Variants in LMO7 observed in about 807,000 individuals in gnomAD.
LMO7 encodes LIM domain only protein 7.
In LMO7, 120 loss-of-function variants were observed where a neutral mutation model predicts 206.5. The observed-to-expected ratio is 0.58, with a 90% CI of 0.50 to 0.68. The LOEUF is 0.68. Ranked by LOEUF, LMO7 falls within the 30% of genes least tolerant of loss-of-function variation. LMO7 has a pLI of 0.00. For missense variants in LMO7, 1,959 were observed against 1,957.9 expected, an observed-to-expected ratio of 1.00 and a Z score of -0.01; for synonymous variants, 706 against 681.5, an observed-to-expected ratio of 1.04 and a Z score of -0.56.
intron 3 of LMO7, among the ~76,000 whole-genome samples, chr13:75,747,833 C>A (rs992189795): frequency 1.3e-5 from 2 of 152,138 alleles, no homozygotes; most frequent in Non-Finnish European, 2.9e-5. Context: ...GGGAGCATAT[C>A]CTGCATGATC....
At chr13:75,723,605 A>T (rs1179952436) in intron 2 of LMO7, among the ~76,000 whole-genome samples, 3 of 152,200 alleles carry the variant, frequency 2.0e-5, no homozygotes, top group African/African-American at 7.2e-5. Context: ...ACTGAGCCAG[A>T]CATTATATTG....
At chr13:75,658,114 C>T (rs2038228668) in intron 1 of LMO7, among the ~76,000 whole-genome samples, 1 of 151,414 alleles carries the variant, frequency 6.6e-6, no homozygotes, top group African/African-American at 2.4e-5. Flanking sequence ...TAATCTATTC[C>T]TTCCGTCCTT....
chr13:75,640,603 G>A (rs541968458), intron 1 of LMO7, among the ~76,000 whole-genome samples: 39 of 151,908 alleles, frequency 2.6e-4, no homozygotes, highest in Non-Finnish European at 5.1e-4. Flanking sequence ...GGTTCTATTC[G>A]TTTTTCTATA....
intron 4 of LMO7, among the ~76,000 whole-genome samples, chr13:75,791,104 T>C (rs2053228319): frequency 6.6e-6 from 1 of 152,198 alleles, no homozygotes; most frequent in South Asian, 2.1e-4. Flanking sequence ...GATTTGGATT[T>C]CAGTGCAAGT....
At chr13:75,737,756 A>AAAC in intron 3 of LMO7, among the ~76,000 whole-genome samples, 1 of 44,312 alleles carries the variant, frequency 2.3e-5, no homozygotes, top group Non-Finnish European at 4.4e-5. Context: ...CCGTCTCAAA[A>AAAC]AAAAAAAAAA....
At chr13:75,695,903 G>A (rs746346447) in intron 1 of LMO7, among the ~76,000 whole-genome samples, 2 of 151,592 alleles carry the variant, frequency 1.3e-5, no homozygotes, top group Non-Finnish European at 2.9e-5. Context: ...GAAATGAGCT[G>A]TTTTTGTTGT....
At chr13:75,621,953 C>A in intron 1 of LMO7, 1 of 937,712 alleles carries the variant, frequency 1.1e-6, no homozygotes. Flanking sequence ...TCTTTAGGAA[C>A]ACATGTAGGT....
intron 4 of LMO7, among the ~76,000 whole-genome samples, chr13:75,792,310 C>T (rs1263481391): frequency 6.6e-6 from 1 of 152,114 alleles, no homozygotes; most frequent in African/African-American, 2.4e-5. Context: ...AAATTTCCTT[C>T]TAATCTACTG....
chr13:75,685,617 G>A (rs956650760), intron 1 of LMO7, among the ~76,000 whole-genome samples: 1 of 151,994 alleles, frequency 6.6e-6, no homozygotes, highest in African/African-American at 2.4e-5. Context: ...TACCAAAATG[G>A]CTGCCAAAGA....
intron 1 of LMO7, among the ~76,000 whole-genome samples, chr13:75,705,945 A>T (rs929495661): frequency 4.2e-5 from 6 of 142,700 alleles, no homozygotes; most frequent in Non-Finnish European, 9.6e-5. Context: ...ACAGACATTT[A>T]TCTGCTAAGA....
At chr13:75,836,371 T>A (rs1226906623) in intron 18 of LMO7, 26 bp from the exon 19 acceptor site, 2 of 1,336,868 alleles carry the variant, frequency 1.5e-6, no homozygotes, top group Non-Finnish European at 2.1e-6. Flanking sequence ...GGAGAGAATA[T>A]TAACTAGCAT....
At chr13:75,781,865 C>G (rs1845605194) in intron 4 of LMO7, among the ~76,000 whole-genome samples, 1 of 151,970 alleles carries the variant, frequency 6.6e-6, no homozygotes, top group Non-Finnish European at 1.5e-5. Flanking sequence ...ATTTGCATTT[C>G]TCTGATGGCC....
chr13:75,742,876 A>G (rs777037255), intron 3 of LMO7, among the ~76,000 whole-genome samples: 1 of 152,244 alleles, frequency 6.6e-6, no homozygotes, highest in African/African-American at 2.4e-5. Flanking sequence ...GACAAATGGG[A>G]TGTAATTAAC....
Position 75,807,587 on chromosome 13 carries a change from G to A in LMO7, c.1304G>A (p.Arg435Lys). The change falls in exon 10 of 31, where the codon AGG (arginine) becomes AAG (lysine). Residue 435 changes from arginine to lysine, a missense_variant. Arg to Lys is a conservative substitution (Grantham distance 26). Transcript: ENST00000377534. ...PTSGPRLITR[R>K]KNLSYAPGYR... The stretch of plus-strand genomic sequence containing the variant: ...TCTGGCCCAAGGCTCATAACCCGCA[G>A]GAAGAATCTCTCTTATGCACCAGGC... 1 of 1,613,934 alleles carries A rather than the reference G, an allele frequency of 6.2e-7. No individual in the cohort carries two copies. The highest frequency in any genetic ancestry group is 8.5e-7 in the Non-Finnish European group (1 of 1,179,878).
At position 75,806,027 on chromosome 13, in the gene LMO7, T is replaced by C. The variant is rs1007775547; in HGVS notation, c.1196+267T>C. The stretch of plus-strand genomic sequence containing the variant: ...TTCTCCAATTCTTTGTCTCATTCCC[T>C]CTTCCCTTCTTTTCTTCATGTCACT... On this transcript the variant is annotated intron_variant, in intron 9 of 30. Transcript: ENST00000377534. 5.0e-6 allele frequency: 6 copies of C among 1,194,474 alleles called. No homozygotes were observed. In the African/African-American group the frequency reaches 9.3e-5, roughly 19 times the overall value. The allele number at this position is 1,194,474 out of a possible 1,614,324, so 74.0% of individuals were successfully genotyped here.
chr13:75,719,628 G>A (rs9544034), intron 2 of LMO7, among the ~76,000 whole-genome samples: 67,223 of 151,608 alleles, frequency 0.44, 15,276 homozygotes, highest in East Asian at 0.61. Flanking sequence ...CTCTGCCACG[G>A]TAGGACCCGC....
chr13:75,667,643 A>T (rs185377179), intron 1 of LMO7, among the ~76,000 whole-genome samples: 73 of 151,918 alleles, frequency 4.8e-4, no homozygotes, highest in Admixed American at 2.0e-3. Context: ...TTCTCTGCTG[A>T]GATTTTCTTT....
In LMO7 at chr13:75,696,101, A is replaced by G. The variant is rs192497770; in HGVS notation, c.70-17081A>G. Among the ~76,000 whole-genome samples the G allele has an allele frequency of 1.3e-3, 196 of 152,348 alleles. 1 individual carries two copies. The highest frequency in any genetic ancestry group is 4.5e-3 in the African/African-American group (186 of 41,590). ...GCCGGGCGCTGTGGCTCATGCCTGT[A>G]ATCCCAGCACTTTGGGAGGTCAAGG... is the stretch of plus-strand genomic sequence containing the variant. On this transcript the variant is annotated intron_variant, in intron 1 of 30. Transcript: ENST00000377534.
chr13:75,805,547 C>G lies in LMO7; in HGVS notation c.983C>G (p.Ser328Cys), dbSNP rs758199580. 1 of 1,613,988 alleles carries G rather than the reference C, an allele frequency of 6.2e-7. No homozygotes were observed. The highest frequency in any genetic ancestry group is 1.1e-5 in the South Asian group (1 of 91,090). Residue 328 changes from serine to cysteine, a missense_variant, in exon 9 of 31, where the codon TCT (serine) becomes TGT (cysteine). Transcript: ENST00000377534. Reference protein sequence around the residue: ...WPTVQGTSKSSCYLEEEKAKT... With the variant: ...WPTVQGTSKSCCYLEEEKAKT... ...ACTGTACAAGGAACTTCAAAGTCCT[C>G]TTGTTATTTGGAAGAGGAAAAAGCA...
Sources: allele counts gnomAD v4.1 joint callset (sites outside exome capture counted in the v4.1 genomes callset), GRCh38; gene constraint gnomAD v4.1.1; transcripts MANE v1.5; gene names NCBI Gene and HGNC (gene_info 2026-07-23, HGNC 2026-07-21).